Variants in CILP observed in about 807,000 individuals in gnomAD.
CILP encodes cartilage intermediate layer protein 1.
CILP carries 75 observed loss-of-function variants against 82.5 expected under a neutral mutation model. That is an observed-to-expected ratio of 0.91 (90% CI 0.75 to 1.10). CILP has a LOEUF of 1.10. Among genes scored for constraint, CILP ranks in the 50% least tolerant of loss-of-function variants. The pLI is 0.00. For synonymous variants in CILP, 530 were observed against 580.3 expected (o/e 0.91, Z 1.25); for missense variants, 1,479 against 1,530.8 (o/e 0.97, Z 0.56).
chr15:65,198,470 T>A lies in CILP; in HGVS notation c.1816A>T (p.Arg606Trp), dbSNP rs1160997475. The A allele has an allele frequency of 6.2e-7, 1 of 1,614,268 alleles. No individual in the cohort carries two copies. Among genetic ancestry groups the A allele is most frequent in the Non-Finnish European group, 8.5e-7 (1 of 1,180,050 alleles). The change falls in exon 9 of 9, where the codon AGG becomes TGG. Residue 606 changes from arginine to tryptophan, a missense_variant. Physicochemically the swap from Arg to Trp is moderately radical, Grantham distance 101. Coordinates refer to ENST00000261883, the MANE Select transcript of CILP (RefSeq NM_003613.4). ...TCCCCATTCTGCCTGTAGAAACTCC[T>A]GGATGGAATCTCCAGTTCAGCCATG... ...DPMAELEIPS[R>W]SFYRQNGEPY...
intron 8 of CILP, among the ~76,000 whole-genome samples, chr15:65,199,405 A>C (rs537255214): frequency 3.3e-5 from 5 of 152,338 alleles, no homozygotes; most frequent in African/African-American, 1.2e-4. Flanking sequence ...TATTGTGGGT[A>C]GGGGCCATTG....
chr15:65,206,329 C>T (rs1056505803), intron 4 of CILP, among the ~76,000 whole-genome samples: 2 of 152,144 alleles, frequency 1.3e-5, no homozygotes, highest in Non-Finnish European at 2.9e-5. Flanking sequence ...GGTTAAGCCT[C>T]TGCATTCATA....
At position 65,197,176 on chromosome 15, in the gene CILP, C is replaced by A. The variant is rs779015022; in HGVS notation, c.3110G>T (p.Ser1037Ile). Reference sequence around the variant, plus strand: ...GTACTCATGCAGCATGGGGTTCACACTGGCTCGACGGCAGCTGCCCTGGGG... The same window carrying A: ...GTACTCATGCAGCATGGGGTTCACAATGGCTCGACGGCAGCTGCCCTGGGG... The part of the protein sequence containing the change: ...VIPQGSCRRA[S>I]VNPMLHEYLV... The change falls in exon 9 of 9, where the codon AGT becomes ATT. Residue 1037 changes from serine to isoleucine, a missense_variant. Ser to Ile is a moderately radical substitution (Grantham distance 142). Transcript: ENST00000261883. 6.2e-7 allele frequency: 1 copy of A among 1,614,064 alleles called. No homozygotes were observed.
In CILP at chr15:65,207,751, C is replaced by T; in HGVS notation, c.75G>A (p.Met25Ile). Residue 25 changes from methionine (M) to isoleucine (I), a missense_variant, in exon 3 of 9, where the codon ATG (methionine) becomes ATA (isoleucine). By Grantham distance (10) the Met-to-Ile change is conservative. Coordinates refer to ENST00000261883, the MANE Select transcript of CILP (RefSeq NM_003613.4). ...GGACTCTTCTTACTGACTGGGTGAGCATCGTCTGTCTCCCTGAGGGCCAGA... is the reference window on the plus strand; with the variant it reads ...GGACTCTTCTTACTGACTGGGTGAGTATCGTCTGTCTCCCTGAGGGCCAGA... Reference protein sequence around the residue: ...EVTSVLGRQTMLTQSVRRVQP... With the variant: ...EVTSVLGRQTILTQSVRRVQP... 6.2e-7 allele frequency: 1 copy of T among 1,614,148 alleles called. No homozygotes were observed. The highest frequency in any genetic ancestry group is 8.5e-7 in the Non-Finnish European group (1 of 1,179,998).
chr15:65,203,589 C>A (rs1211453777), intron 6 of CILP, 119 bp from the exon 7 acceptor site: 1 of 675,564 alleles, frequency 1.5e-6, no homozygotes, highest in Non-Finnish European at 2.6e-6. Context: ...TTCACCCCTA[C>A]CCCCAGCCCA....
intron 5 of CILP, 137 bp from the exon 6 acceptor site, chr15:65,204,719 C>G: frequency 2.2e-6 from 2 of 913,784 alleles, no homozygotes; most frequent in East Asian, 2.8e-5. Context: ...CCCACTCATC[C>G]TTTAAAACTT....
Position 65,198,661 on chromosome 15 carries a change from A to G in CILP, c.1625T>C (p.Val542Ala), listed in dbSNP as rs772390387. The G allele has an allele frequency of 1.2e-6, 2 of 1,614,242 alleles. No homozygotes were observed. The highest frequency in any genetic ancestry group is 1.7e-6 in the Non-Finnish European group (2 of 1,180,050). ...QDTERLVLTF[V>A]DRLQKFVNTT... Reference sequence around the variant, plus strand: ...GTTGACAAACTTCTGCAGCCTGTCCACAAATGTGAGCACCAGCCTCTCAGT... The same window carrying G: ...GTTGACAAACTTCTGCAGCCTGTCCGCAAATGTGAGCACCAGCCTCTCAGT... The change falls in exon 9 of 9, where the codon GTG (valine) becomes GCG (alanine). Residue 542 changes from valine (V) to alanine (A), a missense_variant. Physicochemically the swap from Val to Ala is moderately conservative, Grantham distance 64. Transcript: ENST00000261883.
intron 4 of CILP, 82 bp downstream of exon 4, chr15:65,206,700 G>A: frequency 2.7e-6 from 4 of 1,469,254 alleles, no homozygotes; most frequent in African/African-American, 1.4e-5. Flanking sequence ...TGAGAGTTCT[G>A]GTGGCCAGAG....
rs1223643919 is a variant in CILP at position 65,204,490 on chromosome 15, G to A, written c.697C>T (p.Pro233Ser). 3.1e-6 allele frequency: 5 copies of A among 1,614,014 alleles called. No homozygotes were observed. Among genetic ancestry groups the A allele is most frequent in the Admixed American group, 1.7e-5 (1 of 59,964 alleles). ...DFMLHGAVSL[P>S]GGAPASGAAI... Reference sequence around the variant, plus strand: ...GCCCCTGAGGCTGGGGCACCTCCGGGAAGGGAGACAGCCCCATGAAGCATG... The same window carrying A: ...GCCCCTGAGGCTGGGGCACCTCCGGAAAGGGAGACAGCCCCATGAAGCATG... The change falls in exon 6 of 9, where the codon CCC becomes TCC. Residue 233 changes from proline to serine, a missense_variant. Coordinates refer to ENST00000261883, the MANE Select transcript of CILP (RefSeq NM_003613.4).
In CILP at chr15:65,198,562, T is replaced by C. The variant is rs759598002; in HGVS notation, c.1724A>G (p.Lys575Arg). ...CTCCATGGCTTCCAAAGTGATGGGC[T>C]TTTTCCGACGAAGCATCTTGATTTC... Reference protein sequence around the residue: ...FHEIKMLRRKKPITLEAMETN... With the variant: ...FHEIKMLRRKRPITLEAMETN... Residue 575 changes from lysine (K) to arginine (R), a missense_variant, in exon 9 of 9, where the codon AAG becomes AGG. Physicochemically the swap from Lys to Arg is conservative, Grantham distance 26 (BLOSUM62 2). Transcript: ENST00000261883. 1 of 1,614,210 alleles carries C rather than the reference T, an allele frequency of 6.2e-7. No homozygotes were observed. The highest frequency in any genetic ancestry group is 8.5e-7 in the Non-Finnish European group (1 of 1,180,018).
rs776998144 is a variant in CILP, at chr15:65,207,737, A to C, written c.89T>G (p.Val30Gly). Residue 30 changes from valine to glycine, a missense_variant, in exon 3 of 9, where the codon GTA becomes GGA. Transcript: ENST00000261883. Reference protein sequence around the residue: ...LGRQTMLTQSVRRVQPGKKNP... With the variant: ...LGRQTMLTQSGRRVQPGKKNP... ...CTTCTTCCCAGGCTGGACTCTTCTT[A>C]CTGACTGGGTGAGCATCGTCTGTCT... is the stretch of plus-strand genomic sequence containing the variant. The C allele has an allele frequency of 3.1e-6, 5 of 1,614,060 alleles. No individual in the cohort carries two copies. The highest frequency in any genetic ancestry group is 4.2e-6 in the Non-Finnish European group (5 of 1,179,984).
chr15:65,198,312 G>T lies in CILP; in HGVS notation c.1974C>A (p.Gly658=), dbSNP rs1566993222. The T allele has an allele frequency of 1.2e-6, 2 of 1,614,230 alleles. No individual in the cohort carries two copies. The highest frequency in any genetic ancestry group is 8.5e-7 in the Non-Finnish European group (1 of 1,180,044). The change falls in exon 9 of 9, where the codon GGC becomes GGA. Residue 658 remains glycine, a synonymous_variant. Coordinates refer to ENST00000261883, the MANE Select transcript of CILP (RefSeq NM_003613.4). ...CATCTCTGAAGTCCACAGAGAACAT[G>T]CCATACGTCCGAAGGGGGAAAGTGT... is the stretch of plus-strand genomic sequence containing the variant. ...EGDTFPLRTY[G]MFSVDFRDEV... is the part of the protein sequence containing the mutation.
In CILP at chr15:65,196,635, A is replaced by G. The variant is rs1266905070; in HGVS notation, c.*96T>C. ...AACAAACAAGCAAATTCACGAAAACAGAAGTGCTTAAATTAACCAAGTGAC... is the reference window on the plus strand; with the variant it reads ...AACAAACAAGCAAATTCACGAAAACGGAAGTGCTTAAATTAACCAAGTGAC... On this transcript the variant is annotated 3_prime_UTR_variant, in exon 9 of 9. Transcript: ENST00000261883. 22 of 1,126,152 alleles carry G rather than the reference A, an allele frequency of 2.0e-5. No homozygotes were observed. The highest frequency in any genetic ancestry group is 2.7e-5 in the Non-Finnish European group (22 of 802,772). 69.8% of individuals were successfully genotyped at this position (1,126,152 alleles called of 1,614,324 possible).
At chr15:65,208,675 A>T (rs1478852171) in intron 2 of CILP, among the ~76,000 whole-genome samples, 2 of 152,144 alleles carry the variant, frequency 1.3e-5, no homozygotes, top group African/African-American at 4.8e-5. Flanking sequence ...GCTGTACCCT[A>T]CCTGAGGCTG....
chr15:65,199,151 A>C, intron 8 of CILP, 52 bp from the exon 9 acceptor site: 1 of 1,317,632 alleles, frequency 7.6e-7, no homozygotes. Context: ...ATCCTACACA[A>C]AGAGTACCTC....
At chr15:65,199,336 G>A (rs1426798970) in intron 8 of CILP, among the ~76,000 whole-genome samples, 3 of 152,172 alleles carry the variant, frequency 2.0e-5, no homozygotes, top group African/African-American at 7.2e-5. Context: ...CAATGGAGGG[G>A]TCTTGAAAAT....
In CILP at chr15:65,206,784, G is replaced by A. The variant is rs1422893751; in HGVS notation, c.422C>T (p.Pro141Leu). The A allele has an allele frequency of 2.5e-6, 4 of 1,605,574 alleles. No individual in the cohort carries two copies. The highest frequency in any genetic ancestry group is 3.4e-6 in the Non-Finnish European group (4 of 1,173,308). ...GGGGTGGGGGCGTTCTGGCTTACCTGGTGGGCAGAGGAAGCGTACGGTGTA... is the reference window on the plus strand; with the variant it reads ...GGGGTGGGGGCGTTCTGGCTTACCTAGTGGGCAGAGGAAGCGTACGGTGTA... Reference protein sequence around the residue: ...SNYTVRFLCPPGSLRRDTERI... With the variant: ...SNYTVRFLCPLGSLRRDTERI... The change falls in exon 4 of 9, where the codon CCA becomes CTA. Residue 141 changes from proline to leucine, a missense_variant and splice_region_variant. Transcript: ENST00000261883.
In CILP at chr15:65,196,807, C is replaced by T. The variant is rs1273248594; in HGVS notation, c.3479G>A (p.Arg1160Lys). The T allele has an allele frequency of 9.3e-6, 15 of 1,607,358 alleles. No homozygotes were observed. Among genetic ancestry groups the T allele is most frequent in the East Asian group, 8.9e-5 (4 of 44,788 alleles). Residue 1160 changes from arginine (R) to lysine (K), a missense_variant, in exon 9 of 9, where the codon AGG (arginine) becomes AAG (lysine). Physicochemically the swap from Arg to Lys is conservative, Grantham distance 26. Transcript: ENST00000261883. ...VPSRRQQRAS[R>K]GGQRQGGVVA... ...CACTCCACCCTGGCGCTGGCCACCCCTGCTCGCTCGCTGCTGCCTCCTCGA... is the reference window on the plus strand; with the variant it reads ...CACTCCACCCTGGCGCTGGCCACCCTTGCTCGCTCGCTGCTGCCTCCTCGA...
At chr15:65,205,177 G>T in intron 5 of CILP, 110 bp downstream of exon 5, 1 of 1,019,474 alleles carries the variant, frequency 9.8e-7, no homozygotes, top group Non-Finnish European at 1.5e-6. Flanking sequence ...AATACGTGGT[G>T]AGTAAGTAAA....
Sources: allele counts gnomAD v4.1 joint callset (sites outside exome capture counted in the v4.1 genomes callset), GRCh38; gene constraint gnomAD v4.1.1; transcripts MANE v1.5; gene names NCBI Gene and HGNC (gene_info 2026-07-23, HGNC 2026-07-21).